Variants in MYH16 observed in about 807,000 individuals in gnomAD.
MYH16 encodes putative uncharacterized protein MYH16.
At chr7:99,296,349 T>C (rs1792491460) in intron 33 of MYH16, among the ~76,000 whole-genome samples, 2 of 152,048 alleles carry the variant, frequency 1.3e-5, no homozygotes, top group South Asian at 2.1e-4. Flanking sequence ...TATTACTACA[T>C]TACAGTGAAA....
intron 13 of MYH16, among the ~76,000 whole-genome samples, chr7:99,262,587 G>A (rs1791948620): frequency 6.6e-6 from 1 of 152,192 alleles, no homozygotes; most frequent in Non-Finnish European, 1.5e-5. Context: ...TCTTTGTGCT[G>A]CACAGGAGAT....
At chr7:99,270,096 A>T in intron 18 of MYH16, among the ~76,000 whole-genome samples, 1 of 5,590 alleles carries the variant, frequency 1.8e-4, no homozygotes, top group Non-Finnish European at 3.1e-4. Context: ...GCTGGTCTTG[A>T]ACTCCTGATC....
exon 38 of MYH16, chr7:99,301,760 G>A (rs972477312): frequency 1.3e-5 from 2 of 152,900 alleles, no homozygotes; most frequent in Admixed American, 6.5e-5. Flanking sequence ...GTTGGAGCAG[G>A]AAGTGGTGGA....
intron 33 of MYH16, among the ~76,000 whole-genome samples, chr7:99,294,722 G>A (rs1423255408): frequency 6.7e-6 from 1 of 150,268 alleles, no homozygotes; most frequent in African/African-American, 2.5e-5. Flanking sequence ...CCACCACCAC[G>A]CCCAGCTAAT....
intron 2 of MYH16, among the ~76,000 whole-genome samples, chr7:99,243,911 A>G (rs554066265): frequency 1.3e-5 from 2 of 151,778 alleles, no homozygotes; most frequent in Non-Finnish European, 2.9e-5. Flanking sequence ...CCAAACATCC[A>G]TCCATCCATC....
intron 15 of MYH16, among the ~76,000 whole-genome samples, chr7:99,264,899 A>G (rs941227843): frequency 6.6e-6 from 1 of 152,228 alleles, no homozygotes; most frequent in Admixed American, 6.5e-5. Flanking sequence ...TTGGACCTTG[A>G]GAGCAGTGCT....
intron 2 of MYH16, among the ~76,000 whole-genome samples, chr7:99,246,586 C>T (rs1791733982): frequency 6.6e-6 from 1 of 152,120 alleles, no homozygotes; most frequent in Non-Finnish European, 1.5e-5. Flanking sequence ...CCTGTAGTCT[C>T]AGCTACTCAA....
intron 12 of MYH16, chr7:99,260,535 C>T (rs1183334557): frequency 3.2e-6 from 1 of 316,038 alleles, no homozygotes; most frequent in Non-Finnish European, 6.1e-6. Flanking sequence ...TATTGCATGC[C>T]ACCATTCATT....
intron 14 of MYH16, among the ~76,000 whole-genome samples, chr7:99,263,971 C>A (rs1791964026): frequency 6.6e-6 from 1 of 152,160 alleles, no homozygotes; most frequent in Non-Finnish European, 1.5e-5. Flanking sequence ...CTTCTTCCTC[C>A]CCAGAAAATG....
chr7:99,277,765 G>C (rs548559663), intron 21 of MYH16, 53 bp downstream of exon 3: 50 of 407,470 alleles, frequency 1.2e-4, no homozygotes, highest in African/African-American at 9.3e-4. Flanking sequence ...CCTGGACCCT[G>C]GGAGGGAGGA....
chr7:99,291,134 G>A (rs537452345), intron 30 of MYH16, among the ~76,000 whole-genome samples, 189 bp from the exon 12 acceptor site: 7 of 152,290 alleles, frequency 4.6e-5, no homozygotes, highest in East Asian at 1.9e-4. Flanking sequence ...ACCCTTGGGC[G>A]CTTGCCTTTC....
chr7:99,258,675 A>G (rs771104380), intron 11 of MYH16, among the ~76,000 whole-genome samples: 38 of 152,208 alleles, frequency 2.5e-4, no homozygotes, highest in Non-Finnish European at 4.3e-4. Flanking sequence ...TGAAATTTTC[A>G]GGAATTTTGT....
rs190280010 is a variant in MYH16 at position 99,276,666 on chromosome 7, G to T, written n.2486-873G>T. On this transcript the variant is annotated intron_variant and non_coding_transcript_variant, in intron 20 of 41. Coordinates refer to ENST00000439784, the Ensembl canonical transcript of MYH16. ...CAGGTGCAGGGGCACTGGCCATGGT[G>T]GGAAGTATCAGCTGACACAGTGCAG... Among the ~76,000 whole-genome samples, 129 of 152,372 alleles carry T rather than the reference G, an allele frequency of 8.5e-4. 1 individual carries two copies. Among genetic ancestry groups the T allele is most frequent in the African/African-American group, 2.9e-3 (119 of 41,598 alleles).
intron 1 of MYH16, among the ~76,000 whole-genome samples, chr7:99,239,795 C>G (rs1240737905): frequency 6.6e-6 from 1 of 152,148 alleles, no homozygotes; most frequent in Non-Finnish European, 1.5e-5. Flanking sequence ...AGGGACACTT[C>G]CCCCCAGACA....
At chr7:99,297,154 G>A (rs780044328) in intron 34 of MYH16, among the ~76,000 whole-genome samples, 3 of 152,144 alleles carry the variant, frequency 2.0e-5, no homozygotes, top group Non-Finnish European at 4.4e-5. Context: ...GGAAATAGCC[G>A]GGTGTGATAG....
downstream of MYH16, among the ~76,000 whole-genome samples, chr7:99,310,185 G>A (rs1792741000): frequency 6.6e-6 from 1 of 152,176 alleles, no homozygotes; most frequent in South Asian, 2.1e-4. Context: ...GTGCAAAGGT[G>A]GGATGTGCAC....
intron 32 of MYH16, 123 bp from the exon 14 acceptor site, chr7:99,293,895 T>C (rs939849226): frequency 1.5e-5 from 5 of 333,050 alleles, no homozygotes; most frequent in Non-Finnish European, 3.0e-5. Context: ...ACACTCTGCA[T>C]CGTTTCCAAT....
At chr7:99,305,022 T>TA (rs199553867) in intron 40 of MYH16, among the ~76,000 whole-genome samples, 13 of 149,364 alleles carry the variant, frequency 8.7e-5, no homozygotes, top group South Asian at 2.1e-4. Context: ...CTCCATCTCT[T>TA]AAAAAAAAAA....
At chr7:99,246,889 TG>T (rs1350294499) in intron 2 of MYH16, among the ~76,000 whole-genome samples, 1 of 152,048 alleles carries the variant, frequency 6.6e-6, no homozygotes, top group East Asian at 1.9e-4. Flanking sequence ...TTCAAGTTAA[TG>T]ATTTCCAACT....
Sources: allele counts gnomAD v4.1 joint callset (sites outside exome capture counted in the v4.1 genomes callset), GRCh38; gene constraint gnomAD v4.1.1; transcripts MANE v1.5; gene names NCBI Gene and HGNC (gene_info 2026-07-23, HGNC 2026-07-21).